CHRM3: variants seen among roughly 807,000 people sequenced by gnomAD.
The protein encoded by CHRM3 is cholinergic receptor muscarinic 3.
CHRM3 carries 11 observed loss-of-function variants against 41.8 expected under a neutral mutation model. The observed-to-expected ratio is 0.26, with a 90% CI of 0.17 to 0.44. The LOEUF (loss-of-function observed/expected upper bound fraction) is 0.44, where lower values mean the gene tolerates loss of function less well. CHRM3 is among the 20% of genes least tolerant of loss of function. CHRM3 has a pLI of 1.00. For synonymous variants in CHRM3, 297 were observed against 301.4 expected, an observed-to-expected ratio of 0.99 and a Z score of 0.15; for missense variants, 571 against 745.4, an observed-to-expected ratio of 0.77 and a Z score of 2.72.
At chr1:239,664,948 CCTGCTGTT>C (rs1673622734) in intron 4 of CHRM3, among the ~76,000 whole-genome samples, 2 of 152,090 alleles carry the variant, frequency 1.3e-5, no homozygotes, top group Admixed American at 6.5e-5. Context: ...GAACCTGTCA[CCTGCTGTT>C]CTGAGGAAAC....
intron 5 of CHRM3, among the ~76,000 whole-genome samples, chr1:239,817,074 T>G (rs1400672462): frequency 6.6e-6 from 1 of 152,170 alleles, no homozygotes; most frequent in Admixed American, 6.5e-5. Flanking sequence ...TGTGAGGCAC[T>G]GTGAGCTGAT....
chr1:239,531,151 G>A (rs1200745534), intron 2 of CHRM3, among the ~76,000 whole-genome samples: 1 of 151,626 alleles, frequency 6.6e-6, no homozygotes, highest in African/African-American at 2.4e-5. Flanking sequence ...AATTTATATG[G>A]GAATTCATAT....
intron 5 of CHRM3, among the ~76,000 whole-genome samples, chr1:239,712,700 A>C (rs1474485367): frequency 6.6e-6 from 1 of 152,180 alleles, no homozygotes; most frequent in Non-Finnish European, 1.5e-5. Flanking sequence ...TTCGGTAAAG[A>C]CTGTATTTTG....
At chr1:239,581,393 A>G (rs1008444113) in intron 3 of CHRM3, among the ~76,000 whole-genome samples, 2 of 134,112 alleles carry the variant, frequency 1.5e-5, no homozygotes, top group South Asian at 4.9e-4. Context: ...GGATTCAAAT[A>G]CGGGCCTGTT....
intron 1 of CHRM3, among the ~76,000 whole-genome samples, chr1:239,406,389 A>G (rs1252089094): frequency 1.3e-5 from 2 of 152,240 alleles, no homozygotes; most frequent in Admixed American, 6.5e-5. Flanking sequence ...TGATGACAGA[A>G]GAAACAAAGA....
At chr1:239,903,232 G>A (rs941959256) in intron 6 of CHRM3, among the ~76,000 whole-genome samples, 2 of 152,132 alleles carry the variant, frequency 1.3e-5, no homozygotes, top group African/African-American at 4.8e-5. Context: ...CTGACCTTAG[G>A]CTAATTTCGA....
chr1:239,864,305 G>C (rs1675895097), intron 6 of CHRM3, among the ~76,000 whole-genome samples: 1 of 152,102 alleles, frequency 6.6e-6, no homozygotes, highest in Non-Finnish European at 1.5e-5. Flanking sequence ...TCGAGAGTTT[G>C]AGACCAGCCC....
intron 1 of CHRM3, among the ~76,000 whole-genome samples, chr1:239,426,626 A>T (rs1453226237): frequency 6.6e-6 from 1 of 152,086 alleles, no homozygotes; most frequent in Non-Finnish European, 1.5e-5. Context: ...AAAAAGTGGA[A>T]TTCTGTTATT....
At chr1:239,540,810 G>T (rs957562561) in intron 2 of CHRM3, among the ~76,000 whole-genome samples, 1 of 151,836 alleles carries the variant, frequency 6.6e-6, no homozygotes, top group African/African-American at 2.4e-5. Context: ...TTATAATAAA[G>T]TATTATATAA....
chr1:239,542,695 C>G (rs1021428393), intron 2 of CHRM3, among the ~76,000 whole-genome samples: 3 of 152,142 alleles, frequency 2.0e-5, no homozygotes, highest in African/African-American at 7.2e-5. Context: ...CAGCTCAAAA[C>G]TCACCTTCTC....
intron 1 of CHRM3, among the ~76,000 whole-genome samples, chr1:239,402,500 G>A (rs966478357): frequency 2.0e-5 from 3 of 151,990 alleles, no homozygotes; most frequent in East Asian, 1.9e-4. Context: ...TTACCTCTAC[G>A]TAACTTTTGA....
At chr1:239,685,780 C>T (rs750218867) in intron 5 of CHRM3, among the ~76,000 whole-genome samples, 1 of 152,112 alleles carries the variant, frequency 6.6e-6, no homozygotes, top group Non-Finnish European at 1.5e-5. Flanking sequence ...TGAGATCGTG[C>T]CATTGCATGC....
At chr1:239,525,180 T>A (rs955358471) in intron 2 of CHRM3, among the ~76,000 whole-genome samples, 1 of 152,058 alleles carries the variant, frequency 6.6e-6, no homozygotes, top group Non-Finnish European at 1.5e-5. Context: ...CTGGGCAACA[T>A]AGGGAAAACC....
intron 4 of CHRM3, among the ~76,000 whole-genome samples, chr1:239,656,678 G>A (rs1418050635): frequency 6.6e-6 from 1 of 151,720 alleles, no homozygotes; most frequent in African/African-American, 2.4e-5. Flanking sequence ...ATAAAATTTT[G>A]GTATTGAGGT....
chr1:239,621,025 G>T (rs563152850), intron 3 of CHRM3, among the ~76,000 whole-genome samples: 108 of 152,230 alleles, frequency 7.1e-4, no homozygotes, highest in Admixed American at 1.6e-3. Context: ...TCCATTGGCA[G>T]CATTTTTCCA....
At chr1:239,431,891 G>T (rs1029335648) in intron 1 of CHRM3, among the ~76,000 whole-genome samples, 4 of 152,044 alleles carry the variant, frequency 2.6e-5, no homozygotes, top group African/African-American at 9.7e-5. Flanking sequence ...ACTTAAATCT[G>T]CCAGAGCACT....
intron 1 of CHRM3, among the ~76,000 whole-genome samples, chr1:239,439,539 A>G: frequency 6.6e-6 from 1 of 152,196 alleles, no homozygotes; most frequent in African/African-American, 2.4e-5. Flanking sequence ...ATAGGGTCAA[A>G]GAAGGGTGAG....
chr1:239,775,569 C>A (rs1668025552), intron 5 of CHRM3, among the ~76,000 whole-genome samples: 1 of 152,198 alleles, frequency 6.6e-6, no homozygotes, highest in Non-Finnish European at 1.5e-5. Flanking sequence ...GTAGCAGTTG[C>A]TGTTTTCTCT....
chr1:239,481,513 G>A (rs987040362), intron 1 of CHRM3, among the ~76,000 whole-genome samples: 1 of 152,164 alleles, frequency 6.6e-6, no homozygotes, highest in Non-Finnish European at 1.5e-5. Flanking sequence ...AACTTATTGG[G>A]ATAGAGGTCA....
Sources: allele counts gnomAD v4.1 joint callset (sites outside exome capture counted in the v4.1 genomes callset), GRCh38; gene constraint gnomAD v4.1.1; transcripts MANE v1.5; gene names NCBI Gene and HGNC (gene_info 2026-07-23, HGNC 2026-07-21).